Variants in ZNF236 observed in about 807,000 individuals in gnomAD.
The protein encoded by ZNF236 is regulated by glucose.
Under a neutral mutation model 191.2 loss-of-function variants are expected in ZNF236, and 50 were observed. That is an observed-to-expected ratio of 0.26 (90% confidence interval 0.21 to 0.33). The LOEUF (loss-of-function observed/expected upper bound fraction) is 0.33, where lower values mean the gene tolerates loss of function less well. Among genes scored for constraint, ZNF236 ranks in the 10% least tolerant of loss-of-function variants. ZNF236 has a pLI of 1.00. For synonymous variants in ZNF236, 907 were observed against 928.8 expected, an observed-to-expected ratio of 0.98 and a Z score of 0.43; for missense variants, 1,754 against 2,374.5, an observed-to-expected ratio of 0.74 and a Z score of 5.43.
rs536689343 is a variant in ZNF236 at position 76,904,254 on chromosome 18, T to C, written c.1895-126T>C. On this transcript the variant is annotated intron_variant, in intron 11 of 30. Coordinates refer to ENST00000320610, the MANE Select transcript of ZNF236 (RefSeq NM_001306089.2). The stretch of plus-strand genomic sequence containing the variant: ...AGTTCCTAACACAATTAAAATAACA[T>C]AGTTGCAACATTAGAATCTAACTTA... The C allele has an allele frequency of 2.0e-5, 16 of 799,442 alleles. No individual in the cohort carries two copies. The South Asian group carries it at 6.2e-4, about 31-fold the overall frequency. The allele number at this position is 799,442 out of a possible 1,614,324, so 49.5% of individuals were successfully genotyped here. A position where few individuals can be genotyped will look rare whatever the true frequency, so the allele number is the denominator to read the frequency against.
chr18:76,831,534 G>A (rs1975167509), intron 1 of ZNF236, among the ~76,000 whole-genome samples: 1 of 152,102 alleles, frequency 6.6e-6, no homozygotes, highest in Non-Finnish European at 1.5e-5. Context: ...AAGTTCTCAA[G>A]TCATTGGGGG....
intron 27 of ZNF236, among the ~76,000 whole-genome samples, chr18:76,947,948 T>G (rs1968305606): frequency 6.6e-6 from 1 of 152,180 alleles, no homozygotes; most frequent in South Asian, 2.1e-4. Flanking sequence ...TTTATTAATA[T>G]CTTATTATAT....
At chr18:76,859,649 T>G (rs1278070949) in intron 3 of ZNF236, among the ~76,000 whole-genome samples, 1 of 152,190 alleles carries the variant, frequency 6.6e-6, no homozygotes. Context: ...AAAGACATGA[T>G]GTTATTGAAA....
chr18:76,935,216 C>G (rs1199582609), intron 25 of ZNF236, among the ~76,000 whole-genome samples: 1 of 152,194 alleles, frequency 6.6e-6, no homozygotes, highest in Non-Finnish European at 1.5e-5. Context: ...CTGCTCTAGT[C>G]ATGTGTTCTT....
intron 1 of ZNF236, among the ~76,000 whole-genome samples, chr18:76,842,856 A>G (rs1032115133): frequency 2.0e-5 from 3 of 152,350 alleles, no homozygotes; most frequent in African/African-American, 7.2e-5. Flanking sequence ...CCATTTGAGT[A>G]CCCACTTATG....
chr18:76,852,203 T>G (rs1042605824), intron 3 of ZNF236, among the ~76,000 whole-genome samples: 1 of 152,212 alleles, frequency 6.6e-6, no homozygotes, highest in African/African-American at 2.4e-5. Context: ...TGGCAGAGGC[T>G]CCTCCTGGCG....
chr18:76,956,146 G>A lies in ZNF236; in HGVS notation c.5076G>A (p.Val1692=), dbSNP rs900440766. 1.3e-6 allele frequency: 2 copies of A among 1,562,898 alleles called. No homozygotes were observed. Among genetic ancestry groups the A allele is most frequent in the Middle Eastern group, 2.1e-4 (1 of 4,658 alleles). The change falls in exon 28 of 31, where the codon GTG becomes GTA. Residue 1692 remains valine, a synonymous_variant. Coordinates refer to ENST00000320610, the MANE Select transcript of ZNF236 (RefSeq NM_001306089.2). ...GGGAGCGCATCCACGGCTGCCCCGTGTGCAGGAAGGCCTTCAAGCGCGCCA... is the reference window on the plus strand; with the variant it reads ...GGGAGCGCATCCACGGCTGCCCCGTATGCAGGAAGGCCTTCAAGCGCGCCA... The part of the protein sequence containing the change: ...HGRERIHGCP[V]CRKAFKRATH...
At chr18:76,895,322 C>G (rs201538177) in intron 10 of ZNF236, 37 bp downstream of exon 10, 1 of 1,592,188 alleles carries the variant, frequency 6.3e-7, no homozygotes, top group Non-Finnish European at 8.5e-7. Context: ...GGGCACTGGC[C>G]ACGGGGGCCA....
chr18:76,872,707 C>G (rs1030864729), intron 5 of ZNF236, among the ~76,000 whole-genome samples: 2 of 152,150 alleles, frequency 1.3e-5, no homozygotes, highest in African/African-American at 4.8e-5. Flanking sequence ...GTATTAGTAA[C>G]ACGCATGATC....
chr18:76,895,092 G>A lies in ZNF236; in HGVS notation c.1497G>A (p.Leu499=), dbSNP rs758350620. Residue 499 remains leucine (L), a synonymous_variant, in exon 10 of 31, where the codon CTG becomes CTA. Coordinates refer to ENST00000320610, the MANE Select transcript of ZNF236 (RefSeq NM_001306089.2). ...AGGAGTTCCGCAAGCCCAGCGACCTGGTCCGCCACATCCGCATCCACACCC... is the reference window on the plus strand; with the variant it reads ...AGGAGTTCCGCAAGCCCAGCGACCTAGTCCGCCACATCCGCATCCACACCC... ...CAKEFRKPSD[L]VRHIRIHTHE... 2.5e-6 allele frequency: 4 copies of A among 1,611,864 alleles called. No individual in the cohort carries two copies. Among genetic ancestry groups the A allele is most frequent in the Non-Finnish European group, 2.5e-6 (3 of 1,180,000 alleles).
chr18:76,970,917 C>T lies in ZNF236; in HGVS notation c.*2578C>T, dbSNP rs968406965. Among the ~76,000 whole-genome samples the T allele has an allele frequency of 1.1e-4, 16 of 152,372 alleles. No homozygotes were observed. The highest frequency in any genetic ancestry group is 3.4e-4 in the African/African-American group (14 of 41,584). On this transcript the variant is annotated 3_prime_UTR_variant, in exon 31 of 31. Transcript: ENST00000320610. Reference sequence around the variant, plus strand: ...GACTTTCAAAATCAGGGCATGGCTCCGCGACAGCGAGCCGTGGGCGTCAGC... The same window carrying T: ...GACTTTCAAAATCAGGGCATGGCTCTGCGACAGCGAGCCGTGGGCGTCAGC...
intron 26 of ZNF236, among the ~76,000 whole-genome samples, chr18:76,943,118 G>A (rs1366925701): frequency 8.9e-5 from 7 of 78,544 alleles, no homozygotes; most frequent in Non-Finnish European, 1.4e-4. Context: ...GTGAGACTCC[G>A]TCTCAAAAAA....
intron 4 of ZNF236, among the ~76,000 whole-genome samples, chr18:76,870,009 A>T (rs1055956078): frequency 6.6e-6 from 1 of 152,184 alleles, no homozygotes; most frequent in East Asian, 1.9e-4. Flanking sequence ...TAACTACTAT[A>T]TTATCAGTTT....
intron 25 of ZNF236, among the ~76,000 whole-genome samples, chr18:76,932,490 A>G (rs1380666541): frequency 6.6e-6 from 1 of 152,224 alleles, no homozygotes; most frequent in Non-Finnish European, 1.5e-5. Context: ...TTCTAATCTT[A>G]GGCTGTGAGT....
intron 1 of ZNF236, among the ~76,000 whole-genome samples, chr18:76,834,154 T>C (rs1042746248): frequency 6.6e-6 from 1 of 152,174 alleles, no homozygotes; most frequent in African/African-American, 2.4e-5. Context: ...TATCTCATTA[T>C]CTTTTTATGA....
intron 3 of ZNF236, among the ~76,000 whole-genome samples, chr18:76,863,893 A>G (rs1202420571): frequency 3.3e-5 from 5 of 152,366 alleles, no homozygotes; most frequent in African/African-American, 1.2e-4. Flanking sequence ...ACTTCAGAAA[A>G]GAAAGAAGAA....
chr18:76,934,220 A>G (rs1409383462), intron 25 of ZNF236, among the ~76,000 whole-genome samples: 1 of 152,252 alleles, frequency 6.6e-6, no homozygotes, highest in Non-Finnish European at 1.5e-5. Flanking sequence ...AGGCGAGACA[A>G]TTAGTCAGAA....
At chr18:76,888,207 A>C (rs1977117009) in intron 9 of ZNF236, among the ~76,000 whole-genome samples, 2 of 152,124 alleles carry the variant, frequency 1.3e-5, no homozygotes, top group Non-Finnish European at 2.9e-5. Context: ...CCATCTCTGC[A>C]AAAAAATTAG....
intron 5 of ZNF236, among the ~76,000 whole-genome samples, chr18:76,873,669 C>A (rs1599353018): frequency 6.6e-6 from 1 of 152,158 alleles, no homozygotes; most frequent in African/African-American, 2.4e-5. Flanking sequence ...ATTGTGTATG[C>A]CCCAGCAGGG....
Sources: allele counts gnomAD v4.1 joint callset (sites outside exome capture counted in the v4.1 genomes callset), GRCh38; gene constraint gnomAD v4.1.1; transcripts MANE v1.5; gene names NCBI Gene and HGNC (gene_info 2026-07-23, HGNC 2026-07-21).